Variants in FOXN4 observed in about 807,000 individuals in gnomAD.
FOXN4 encodes forkhead box protein N4.
A neutral mutation model predicts 45.0 loss-of-function variants in FOXN4; 12 were observed. The observed-to-expected ratio is 0.27, with a 90% CI of 0.17 to 0.43. The LOEUF is 0.43. Among genes scored for constraint, FOXN4 ranks in the 20% least tolerant of loss-of-function variants. The pLI is 1.00. For missense variants in FOXN4, 560 were observed against 694.9 expected (o/e 0.81, Z 2.18); for synonymous variants, 297 against 295.0 (o/e 1.01, Z -0.07).
intron 8 of FOXN4, among the ~76,000 whole-genome samples, chr12:109,282,096 C>A (rs749913087): frequency 1.1e-4 from 16 of 152,180 alleles, no homozygotes; most frequent in Non-Finnish European, 1.9e-4. Flanking sequence ...AAACATCATA[C>A]CCTCTGCACA....
chr12:109,286,875 C>G (rs1050194974), intron 6 of FOXN4, 131 bp from the exon 7 acceptor site: 36 of 1,442,584 alleles, frequency 2.5e-5, no homozygotes, highest in Non-Finnish European at 3.2e-5. Context: ...AACACTCACA[C>G]ACAGTGAGCT....
intron 2 of FOXN4, among the ~76,000 whole-genome samples, chr12:109,292,547 T>C (rs1266285695): frequency 6.6e-6 from 1 of 152,226 alleles, no homozygotes; most frequent in African/African-American, 2.4e-5. Context: ...GCATAGGATG[T>C]CATAAGAAAT....
chr12:109,282,964 C>G (rs887654820), intron 8 of FOXN4, among the ~76,000 whole-genome samples: 2 of 151,150 alleles, frequency 1.3e-5, no homozygotes, highest in East Asian at 3.9e-4. Context: ...CGATGTCATA[C>G]CCCCTCAACT....
Position 109,286,681 on chromosome 12 carries a change from G to A in FOXN4, c.660C>T (p.Tyr220=). 1.2e-6 allele frequency: 2 copies of A among 1,610,294 alleles called. No homozygotes were observed. Among genetic ancestry groups the A allele is most frequent in the South Asian group, 1.1e-5 (1 of 90,798 alleles). The change falls in exon 7 of 10, where the codon TAC becomes TAT. Residue 220 remains tyrosine, a synonymous_variant. Coordinates refer to ENST00000299162, the MANE Select transcript of FOXN4 (RefSeq NM_213596.3). The part of the protein sequence containing the change: ...KTGSLPVSEI[Y]SFMKEHFPYF... ...AGGGGAAGTGCTCCTTCATGAAGCT[G>A]TAGATCTCGCTCACAGGCAGGCTGC...
At chr12:109,302,856 T>G (rs1393924446) in intron 2 of FOXN4, among the ~76,000 whole-genome samples, 2 of 152,226 alleles carry the variant, frequency 1.3e-5, no homozygotes, top group Non-Finnish European at 2.9e-5. Flanking sequence ...AAGAAACTGT[T>G]ACATCACTGA....
intron 8 of FOXN4, among the ~76,000 whole-genome samples, chr12:109,285,000 C>A (rs1004062142): frequency 7.1e-6 from 1 of 141,248 alleles, no homozygotes; most frequent in Non-Finnish European, 1.5e-5. Flanking sequence ...TCCTCTTCTG[C>A]GTGTGTGCGT....
At position 109,281,880 on chromosome 12, in the gene FOXN4, T is replaced by C. The variant is rs1348678653; in HGVS notation, c.902-81A>G. On this transcript the variant is annotated intron_variant, in intron 8 of 9. Coordinates refer to ENST00000299162, the MANE Select transcript of FOXN4 (RefSeq NM_213596.3). Reference sequence around the variant, plus strand: ...GCCCAGGCCTGGGTTCAAATTCCAGTGTCACCACCTGTGTGACCTTAGCAA... The same window carrying C: ...GCCCAGGCCTGGGTTCAAATTCCAGCGTCACCACCTGTGTGACCTTAGCAA... The C allele has an allele frequency of 3.4e-6, 5 of 1,450,836 alleles. No individual in the cohort carries two copies. In the East Asian group the frequency reaches 7.2e-5, roughly 21 times the overall value. The allele number at this position is 1,450,836 out of a possible 1,614,324, so 89.9% of individuals were successfully genotyped here. A position where few individuals can be genotyped will look rare whatever the true frequency, so the allele number is the denominator to read the frequency against.
chr12:109,281,276 T>C (rs2047649121), intron 9 of FOXN4, 131 bp downstream of exon 9: 1 of 1,314,368 alleles, frequency 7.6e-7, no homozygotes, highest in African/African-American at 1.5e-5. Flanking sequence ...GTTCAACTTG[T>C]AAAGGTTGTT....
At chr12:109,308,183 A>G in intron 2 of FOXN4, 53 bp downstream of exon 2, 4 of 1,410,466 alleles carry the variant, frequency 2.8e-6, no homozygotes, top group Non-Finnish European at 3.9e-6. Flanking sequence ...AACAGCATAC[A>G]AACACTTTGA....
At position 109,291,834 on chromosome 12, in the gene FOXN4, A is replaced by G. The variant is rs2047771421; in HGVS notation, c.87-1548T>C. On this transcript the variant is annotated intron_variant, in intron 2 of 9. Coordinates refer to ENST00000299162, the MANE Select transcript of FOXN4 (RefSeq NM_213596.3). This position sits in a 1 kb window ranked among gnomAD's most constrained non-coding sequence, Gnocchi z 6.6. ...GTTGGTCCGGCTGCTGTCCCCCGGC[A>G]TCCCATTGTGTGACAAACGACTGTT... Among the ~76,000 whole-genome samples the G allele has an allele frequency of 6.6e-6, 1 of 151,932 alleles. No homozygotes were observed. Among genetic ancestry groups the G allele is most frequent in the Non-Finnish European group, 1.5e-5 (1 of 67,962 alleles).
chr12:109,305,788 C>A (rs981201311), intron 2 of FOXN4, among the ~76,000 whole-genome samples: 30 of 152,138 alleles, frequency 2.0e-4, no homozygotes, highest in African/African-American at 7.0e-4. Flanking sequence ...AGCCTTGAAT[C>A]CACGTGAACA....
At chr12:109,298,379 T>C (rs2047838555) in intron 2 of FOXN4, among the ~76,000 whole-genome samples, 1 of 151,474 alleles carries the variant, frequency 6.6e-6, no homozygotes, top group African/African-American at 2.4e-5. Flanking sequence ...TTTGTTTTTG[T>C]TTTTAACATG....
At chr12:109,286,542 A>T in intron 7 of FOXN4, 106 bp downstream of exon 7, 1 of 1,073,664 alleles carries the variant, frequency 9.3e-7, no homozygotes, top group South Asian at 1.4e-5. Flanking sequence ...ATGTACAGAC[A>T]TAACTGGGAA....
chr12:109,300,112 C>T (rs2047856344), intron 2 of FOXN4, among the ~76,000 whole-genome samples: 1 of 152,212 alleles, frequency 6.6e-6, no homozygotes, highest in South Asian at 2.1e-4. Context: ...CCGCTCACCC[C>T]AGTGGTGGTG....
chr12:109,293,180 T>C (rs1183419078), intron 2 of FOXN4, among the ~76,000 whole-genome samples: 1 of 152,162 alleles, frequency 6.6e-6, no homozygotes, highest in Non-Finnish European at 1.5e-5. Context: ...CAGACATCAC[T>C]GGACCCCACC....
chr12:109,288,227 G>A lies in FOXN4; in HGVS notation c.233-47C>T. 1 of 1,531,554 alleles carries A rather than the reference G, an allele frequency of 6.5e-7. No individual in the cohort carries two copies. The highest frequency in any genetic ancestry group is 8.7e-7 in the Non-Finnish European group (1 of 1,142,930). 94.9% of individuals were successfully genotyped at this position (1,531,554 alleles called of 1,614,324 possible). On this transcript the variant is annotated intron_variant, in intron 3 of 9. Transcript: ENST00000299162. The surrounding 1 kb of genome is among the most constrained non-coding windows in gnomAD (Gnocchi z 4.3). ...ACGCTGCTGGGCTGGAGGAATGGTG[G>A]CTGCCACCAGGAACAGCCCAGTGCC...
At chr12:109,302,054 C>T (rs1303741789) in intron 2 of FOXN4, among the ~76,000 whole-genome samples, 1 of 152,252 alleles carries the variant, frequency 6.6e-6, no homozygotes, top group Non-Finnish European at 1.5e-5. Flanking sequence ...ACAGACCACT[C>T]ATGATCACCC....
intron 2 of FOXN4, among the ~76,000 whole-genome samples, chr12:109,306,936 G>A (rs953896401): frequency 3.9e-5 from 6 of 152,204 alleles, no homozygotes; most frequent in African/African-American, 1.4e-4. Flanking sequence ...CTTGGGAGAA[G>A]CCATTTCATT....
In FOXN4 at chr12:109,293,501, CTTTG is replaced by C. The variant is rs544791339; in HGVS notation, c.87-3219_87-3216del. ...CCATGTCCTTGCACACAGTGGGTGC[CTTTG>C]TTTGTTTTTTGAGACAGAGTCTCGC... is the stretch of plus-strand genomic sequence containing the variant. On this transcript the variant is annotated intron_variant, in intron 2 of 9. Transcript: ENST00000299162. Among the ~76,000 whole-genome samples, 59 of 152,242 alleles carry C rather than the reference CTTTG, an allele frequency of 3.9e-4. No individual in the cohort carries two copies. In the Middle Eastern group the frequency reaches 0.014, roughly 35 times the overall value.
Sources: allele counts gnomAD v4.1 joint callset (sites outside exome capture counted in the v4.1 genomes callset), GRCh38; gene constraint gnomAD v4.1.1; non-coding constraint Gnocchi (gnomAD v3.1); transcripts MANE v1.5; gene names NCBI Gene and HGNC (gene_info 2026-07-23, HGNC 2026-07-21).